The following SRGAP3 variants were observed in gnomAD, a reference collection of about 807,000 sequenced individuals.
SRGAP3 encodes SLIT-ROBO Rho GTPase-activating protein 3.
A neutral mutation model predicts 121.1 loss-of-function variants in SRGAP3; 39 were observed. The ratio of observed to expected loss-of-function variants is 0.32; its 90% CI spans 0.25 to 0.42. The LOEUF (loss-of-function observed/expected upper bound fraction) is 0.42. Ranked by LOEUF, SRGAP3 falls within the 10% of genes least tolerant of loss-of-function variation. SRGAP3 has a pLI of 1.00. For missense variants in SRGAP3, 1,213 were observed against 1,470.6 expected, an observed-to-expected ratio of 0.82 and a Z score of 2.86; for synonymous variants, 601 against 570.0, an observed-to-expected ratio of 1.05 and a Z score of -0.77.
chr3:9,098,043 A>T (rs1191892275), intron 3 of SRGAP3, among the ~76,000 whole-genome samples: 1 of 152,102 alleles, frequency 6.6e-6, no homozygotes, highest in Admixed American at 6.6e-5. Context: ...ATAGATCCTA[A>T]TTATTTGAGG....
At chr3:9,121,611 C>T (rs1282216092) in intron 2 of SRGAP3, among the ~76,000 whole-genome samples, 1 of 152,234 alleles carries the variant, frequency 6.6e-6, no homozygotes, top group Non-Finnish European at 1.5e-5. Flanking sequence ...GCCGGGCTGC[C>T]AGCTGGGGCT....
intron 1 of SRGAP3, among the ~76,000 whole-genome samples, chr3:9,125,407 G>C (rs1043679637): frequency 2.0e-5 from 3 of 152,238 alleles, no homozygotes; most frequent in South Asian, 4.1e-4. Context: ...AGCCTAAGCT[G>C]CTGGCTCTTT....
At chr3:9,037,588 T>G (rs1309231572) in intron 11 of SRGAP3, 1 of 213,026 alleles carries the variant, frequency 4.7e-6, no homozygotes, top group Non-Finnish European at 9.5e-6. Context: ...CCTATGCACA[T>G]GCGTGTGCCC....
chr3:9,340,077 C>T (rs1466329886), intron 1 of SRGAP3, among the ~76,000 whole-genome samples: 1 of 152,120 alleles, frequency 6.6e-6, no homozygotes, highest in Non-Finnish European at 1.5e-5. Flanking sequence ...GCAGTTCAGG[C>T]ACCAAATTGT....
At chr3:9,065,824 A>G (rs1294037618) in intron 4 of SRGAP3, among the ~76,000 whole-genome samples, 1 of 152,184 alleles carries the variant, frequency 6.6e-6, no homozygotes, top group Non-Finnish European at 1.5e-5. Flanking sequence ...TTGTGTGGAC[A>G]TGTATTTTGA....
intron 1 of SRGAP3, among the ~76,000 whole-genome samples, chr3:9,358,024 G>A (rs2030611836): frequency 1.3e-5 from 2 of 152,050 alleles, no homozygotes; most frequent in African/African-American, 2.4e-5. Context: ...AGAGATGCAC[G>A]CCACCACACC....
chr3:9,132,183 G>T (rs1414687339), intron 1 of SRGAP3, among the ~76,000 whole-genome samples: 2 of 152,074 alleles, frequency 1.3e-5, no homozygotes, highest in Non-Finnish European at 2.9e-5. Flanking sequence ...CCTCTCCACT[G>T]CACAGTTTCT....
intron 1 of SRGAP3, among the ~76,000 whole-genome samples, chr3:9,231,187 G>A (rs1953196591): frequency 6.6e-6 from 1 of 152,226 alleles, no homozygotes; most frequent in Admixed American, 6.5e-5. Context: ...TTTTGTCCAA[G>A]GAGCTCAGAG....
At chr3:9,041,547 C>A (rs1485272207) in intron 10 of SRGAP3, among the ~76,000 whole-genome samples, 7 of 152,256 alleles carry the variant, frequency 4.6e-5, no homozygotes, top group Admixed American at 3.3e-4. Flanking sequence ...TGAGCTTGGA[C>A]AAGCCACTTC....
At chr3:9,016,187 C>T (rs142506753) in intron 14 of SRGAP3, among the ~76,000 whole-genome samples, 2 of 152,278 alleles carry the variant, frequency 1.3e-5, no homozygotes, top group East Asian at 3.9e-4. Flanking sequence ...TCATATACAG[C>T]CCACATTCAG....
intron 5 of SRGAP3, among the ~76,000 whole-genome samples, chr3:9,061,248 A>C (rs888161423): frequency 1.3e-5 from 2 of 152,064 alleles, no homozygotes; most frequent in African/African-American, 4.8e-5. Context: ...ATCAATCAAT[A>C]AGACCCCTAC....
chr3:9,145,886 G>A (rs1415764419), intron 1 of SRGAP3, among the ~76,000 whole-genome samples: 1 of 152,204 alleles, frequency 6.6e-6, no homozygotes, highest in Non-Finnish European at 1.5e-5. Flanking sequence ...CCTGAGGTCT[G>A]GAAGTATGTG....
intron 1 of SRGAP3, chr3:9,125,122 CT>C: frequency 1.5e-6 from 1 of 646,034 alleles, no homozygotes; most frequent in Non-Finnish European, 2.7e-6. Flanking sequence ...TGCCATTGAT[CT>C]AACCAAAAGT....
At chr3:9,089,533 G>C (rs1040227172) in intron 3 of SRGAP3, among the ~76,000 whole-genome samples, 3 of 152,144 alleles carry the variant, frequency 2.0e-5, no homozygotes, top group African/African-American at 7.2e-5. Context: ...AAGTACAAAG[G>C]AGGCCCTGCC....
chr3:9,203,661 A>G (rs956489593), intron 1 of SRGAP3, among the ~76,000 whole-genome samples: 2 of 152,176 alleles, frequency 1.3e-5, no homozygotes, highest in African/African-American at 4.8e-5. Context: ...CCCCTGAGCT[A>G]TAAGGGGATG....
intron 3 of SRGAP3, among the ~76,000 whole-genome samples, chr3:9,299,063 A>AG (rs1955001846): frequency 6.7e-6 from 1 of 149,316 alleles, no homozygotes; most frequent in South Asian, 2.2e-4. Context: ...AAAAAAAAAA[A>AG]AAAAAAAGAA....
chr3:9,203,710 C>T (rs1952153070), intron 1 of SRGAP3, among the ~76,000 whole-genome samples: 1 of 152,200 alleles, frequency 6.6e-6, no homozygotes, highest in African/African-American at 2.4e-5. Flanking sequence ...CTGTGCCCAC[C>T]TCAGAGCCTG....
At chr3:9,160,745 G>C (rs1950576851) in intron 1 of SRGAP3, among the ~76,000 whole-genome samples, 1 of 152,164 alleles carries the variant, frequency 6.6e-6, no homozygotes, top group Non-Finnish European at 1.5e-5. Flanking sequence ...TACGTAAAGG[G>C]TTAATAGAGA....
intron 1 of SRGAP3, among the ~76,000 whole-genome samples, chr3:9,354,296 C>A (rs1465400942): frequency 1.3e-5 from 2 of 152,156 alleles, no homozygotes. Flanking sequence ...GGCTAACAGT[C>A]CTTGCCTCTC....
Sources: gnomAD v4.1 joint callset for allele counts (sites outside exome capture counted in the v4.1 genomes callset) on GRCh38, gnomAD v4.1.1 for gene constraint, MANE v1.5 for transcripts, NCBI Gene and HGNC (gene_info 2026-07-23, HGNC 2026-07-21) for gene names.